The following ITGAV variants were observed in gnomAD, a reference collection of about 807,000 sequenced individuals.
The protein encoded by ITGAV is integrin alpha-V.
In ITGAV, 76 loss-of-function variants were observed where a neutral mutation model predicts 143.8. That is an observed-to-expected ratio of 0.53 (90% CI 0.44 to 0.64). The LOEUF (loss-of-function observed/expected upper bound fraction) is 0.64, where lower values mean the gene tolerates loss of function less well. Among genes scored for constraint, ITGAV ranks in the 30% least tolerant of loss-of-function variants. ITGAV has a pLI of 0.00. For missense variants in ITGAV, 1,193 were observed against 1,274.7 expected, an observed-to-expected ratio of 0.94 and a Z score of 0.98; for synonymous variants, 453 against 446.7, an observed-to-expected ratio of 1.01 and a Z score of -0.18.
At chr2:186,616,280 T>A (rs1027572852) in intron 2 of ITGAV, among the ~76,000 whole-genome samples, 9 of 141,150 alleles carry the variant, frequency 6.4e-5, no homozygotes, top group Admixed American at 1.4e-4. Context: ...CTTATTTTTT[T>A]TTTTTTTTTT....
At chr2:186,590,626 G>A in intron 1 of ITGAV, 103 bp downstream of exon 1, 1 of 1,101,908 alleles carries the variant, frequency 9.1e-7, no homozygotes, top group South Asian at 1.6e-5. Context: ...CCCGGCGTCT[G>A]TCTGTCTCAC....
chr2:186,667,784 G>T lies in ITGAV; in HGVS notation c.2433+8G>T. The T allele has an allele frequency of 6.4e-7, 1 of 1,570,290 alleles. No individual in the cohort carries two copies. Among genetic ancestry groups the T allele is most frequent in the Non-Finnish European group, 8.7e-7 (1 of 1,149,548 alleles). The stretch of plus-strand genomic sequence containing the variant: ...GTTCAGCACATCTATGAGGTTTGCA[G>T]TTGTTAGATTTTACTCAAACCTCGT... On this transcript the variant is annotated splice_region_variant and intron_variant, in intron 24 of 29. Transcript: ENST00000261023.
At chr2:186,609,541 T>G (rs1375994628) in intron 2 of ITGAV, among the ~76,000 whole-genome samples, 3 of 152,122 alleles carry the variant, frequency 2.0e-5, no homozygotes, top group African/African-American at 7.2e-5. Context: ...AAAAGTTATT[T>G]TACTGTAATT....
At chr2:186,594,020 A>G (rs1686682899) in intron 1 of ITGAV, among the ~76,000 whole-genome samples, 1 of 152,204 alleles carries the variant, frequency 6.6e-6, no homozygotes, top group Non-Finnish European at 1.5e-5. Context: ...ATGGAGCCTT[A>G]TCTTACAGTT....
chr2:186,639,987 C>A (rs1379861251), intron 10 of ITGAV, among the ~76,000 whole-genome samples: 2 of 152,194 alleles, frequency 1.3e-5, no homozygotes, highest in Non-Finnish European at 2.9e-5. Context: ...TTCATTTTCC[C>A]AATTACACTG....
At chr2:186,665,102 T>G in intron 20 of ITGAV, 24 bp from the exon 21 acceptor site, 1 of 1,375,818 alleles carries the variant, frequency 7.3e-7, no homozygotes, top group Non-Finnish European at 1.0e-6. Context: ...ATCCATTTTT[T>G]TTTTTTTTTT....
In ITGAV at chr2:186,666,756, C is replaced by A; in HGVS notation, c.2219C>A (p.Ser740Tyr). The A allele has an allele frequency of 6.3e-7, 1 of 1,583,874 alleles. No homozygotes were observed. The highest frequency in any genetic ancestry group is 8.6e-7 in the Non-Finnish European group (1 of 1,167,458). The change falls in exon 22 of 30, where the codon TCT becomes TAT. Residue 740 changes from serine (S) to tyrosine (Y), a missense_variant. By Grantham distance (144) the Ser-to-Tyr change is moderately radical (BLOSUM62 -2). Transcript: ENST00000261023. The stretch of plus-strand genomic sequence containing the variant: ...CACCAGCAGTCAGAGATGGATACTT[C>A]TGTGAAATTTGACTTACAAATCCAA... ...SVHQQSEMDT[S>Y]VKFDLQIQSS...
At chr2:186,640,867 A>C (rs1688082908) in intron 10 of ITGAV, 48 bp from the exon 11 acceptor site, 1 of 1,440,428 alleles carries the variant, frequency 6.9e-7, no homozygotes, top group African/African-American at 1.4e-5. Flanking sequence ...TAATTGTCTA[A>C]ACTAATTGGA....
intron 1 of ITGAV, among the ~76,000 whole-genome samples, chr2:186,599,329 C>A (rs1686833016): frequency 6.6e-6 from 1 of 152,100 alleles, no homozygotes; most frequent in African/African-American, 2.4e-5. Context: ...TCACTCATTG[C>A]CCCTCCTCTT....
intron 2 of ITGAV, among the ~76,000 whole-genome samples, chr2:186,610,835 T>C (rs897147117): frequency 6.6e-6 from 1 of 152,216 alleles, no homozygotes; most frequent in African/African-American, 2.4e-5. Flanking sequence ...CAAACTATAA[T>C]AGATTGCGAT....
At chr2:186,675,990 A>C in intron 28 of ITGAV, 63 bp downstream of exon 28, 1 of 928,386 alleles carries the variant, frequency 1.1e-6, no homozygotes, top group Non-Finnish European at 1.7e-6. Flanking sequence ...ACATGTTTTT[A>C]TTTTGTTTTT....
At chr2:186,663,711 G>A in intron 18 of ITGAV, 57 bp from the exon 19 acceptor site, 1 of 1,233,058 alleles carries the variant, frequency 8.1e-7, no homozygotes, top group Non-Finnish European at 1.2e-6. Context: ...GATAAACACT[G>A]CTTATGCCAC....
At chr2:186,624,568 A>G (rs546082041) in intron 3 of ITGAV, among the ~76,000 whole-genome samples, 1 of 152,340 alleles carries the variant, frequency 6.6e-6, no homozygotes, top group East Asian at 1.9e-4. Context: ...ACAATAAGTC[A>G]GTATTGATGT....
intron 24 of ITGAV, 45 bp downstream of exon 24, chr2:186,667,821 C>A: frequency 1.6e-6 from 2 of 1,220,648 alleles, no homozygotes; most frequent in East Asian, 2.4e-5. Flanking sequence ...AGCAAGCCAA[C>A]GAAGAGAGGA....
rs1028605160 is a variant in ITGAV at position 186,678,804 on chromosome 2, G to A, written c.*1512G>A. 1 of 433,556 alleles carries A rather than the reference G, an allele frequency of 2.3e-6. No individual in the cohort carries two copies. Among genetic ancestry groups the A allele is most frequent in the African/African-American group, 2.0e-5 (1 of 48,854 alleles). 26.9% of individuals were successfully genotyped at this position (433,556 alleles called of 1,614,324 possible). On this transcript the variant is annotated 3_prime_UTR_variant, in exon 30 of 30. Transcript: ENST00000261023. ...GCTCTTTAACTGCTGTCCTCATTAG[G>A]TAATGATAAATATTTCCCTTAAATA...
chr2:186,676,809 A>G lies in ITGAV; in HGVS notation c.2929-4A>G. 6.2e-7 allele frequency: 1 copy of G among 1,610,388 alleles called. No individual in the cohort carries two copies. The highest frequency in any genetic ancestry group is 8.5e-7 in the Non-Finnish European group (1 of 1,179,054). On this transcript the variant is annotated splice_polypyrimidine_tract_variant and splice_region_variant and intron_variant, in intron 28 of 29. Coordinates refer to ENST00000261023, the MANE Select transcript of ITGAV (RefSeq NM_002210.5). The stretch of plus-strand genomic sequence containing the variant: ...TTAAAACTAAAAGCTTTTTTCCTCG[A>G]TAGGTTACCACTAATGTCACCTGGG...
chr2:186,598,892 G>A (rs975188848), intron 1 of ITGAV, among the ~76,000 whole-genome samples: 14 of 152,262 alleles, frequency 9.2e-5, no homozygotes, highest in African/African-American at 2.6e-4. Context: ...TGGGAGTTAC[G>A]TCTTTATTTT....
At chr2:186,638,897 CTTTT>C (rs757207733) in intron 10 of ITGAV, among the ~76,000 whole-genome samples, 1 of 130,734 alleles carries the variant, frequency 7.6e-6, no homozygotes, top group Non-Finnish European at 1.7e-5. Context: ...TTTTTGTTTC[CTTTT>C]TTTTTTTTTT....
chr2:186,658,392 G>T (rs1268543253), intron 17 of ITGAV, among the ~76,000 whole-genome samples: 1 of 152,018 alleles, frequency 6.6e-6, no homozygotes, highest in South Asian at 2.1e-4. Context: ...TATACATTGC[G>T]GACGGCAGTG....
Sources: allele counts gnomAD v4.1 joint callset (sites outside exome capture counted in the v4.1 genomes callset), GRCh38; gene constraint gnomAD v4.1.1; transcripts MANE v1.5; gene names NCBI Gene and HGNC (gene_info 2026-07-23, HGNC 2026-07-21).